The following SLC22A15 variants were observed in gnomAD, a reference collection of about 807,000 sequenced individuals.
SLC22A15 encodes the protein solute carrier family 22 member 15, also known as flipt 1.
Under a neutral mutation model 62.7 loss-of-function variants are expected in SLC22A15, and 45 were observed. The ratio of observed to expected loss-of-function variants is 0.72; its 90% CI spans 0.56 to 0.92. The LOEUF is 0.92. Among genes scored for constraint, SLC22A15 ranks in the 40% least tolerant of loss-of-function variants. The pLI, the probability that SLC22A15 is intolerant of heterozygous loss-of-function variation, is 0.00. For missense variants in SLC22A15, 622 were observed against 665.6 expected, an observed-to-expected ratio of 0.93 and a Z score of 0.72; for synonymous variants, 264 against 267.0, an observed-to-expected ratio of 0.99 and a Z score of 0.11.
chr1:116,062,701 T>C, intron 8 of SLC22A15, 61 bp from the exon 9 acceptor site: 1 of 1,602,290 alleles, frequency 6.2e-7, no homozygotes, highest in Non-Finnish European at 8.5e-7. Context: ...AAATGAAATG[T>C]GCCATTTAGA....
intron 1 of SLC22A15, among the ~76,000 whole-genome samples, chr1:115,989,016 T>A (rs12084601): frequency 0.091 from 13,910 of 152,102 alleles, 1,482 homozygotes; most frequent in African/African-American, 0.26. Context: ...GCTAACACCG[T>A]TTTATTGAGG....
intron 1 of SLC22A15, among the ~76,000 whole-genome samples, chr1:115,985,701 C>A (rs1654823329): frequency 6.6e-6 from 1 of 151,890 alleles, no homozygotes; most frequent in Admixed American, 6.6e-5. Context: ...GTAATCCCAG[C>A]ACTTTGGCAG....
intron 2 of SLC22A15, among the ~76,000 whole-genome samples, chr1:116,005,137 T>C (rs1236552808): frequency 6.6e-6 from 1 of 152,220 alleles, no homozygotes; most frequent in Non-Finnish European, 1.5e-5. Flanking sequence ...TTTTGTTTGA[T>C]TGATTTTTCT....
chr1:116,032,387 A>T, intron 6 of SLC22A15: 1 of 985,360 alleles, frequency 1.0e-6, no homozygotes, highest in South Asian at 4.7e-5. Context: ...AATCATACCT[A>T]CTAGCCTAAA....
intron 8 of SLC22A15, among the ~76,000 whole-genome samples, chr1:116,056,588 A>G (rs1310196861): frequency 1.4e-3 from 206 of 151,822 alleles, no homozygotes; most frequent in African/African-American, 4.9e-3. Flanking sequence ...AAAAGAGCCC[A>G]CATCGCCAAG....
At chr1:116,052,660 TG>T (rs1176613266) in intron 8 of SLC22A15, among the ~76,000 whole-genome samples, 1 of 152,074 alleles carries the variant, frequency 6.6e-6, no homozygotes, top group Non-Finnish European at 1.5e-5. Context: ...CACCTCCCAG[TG>T]GGGGCAGACT....
At chr1:116,047,369 A>G (rs1365832513) in intron 8 of SLC22A15, among the ~76,000 whole-genome samples, 2 of 152,078 alleles carry the variant, frequency 1.3e-5, no homozygotes, top group African/African-American at 4.8e-5. Flanking sequence ...GGAGATTGTC[A>G]TGAACCAAGA....
At chr1:115,994,494 C>T (rs550893237) in intron 2 of SLC22A15, among the ~76,000 whole-genome samples, 4 of 152,138 alleles carry the variant, frequency 2.6e-5, no homozygotes, top group Admixed American at 6.5e-5. Context: ...GCATATATAT[C>T]TCTTAGGTTC....
At chr1:116,063,380 A>G (rs1460672329) in intron 9 of SLC22A15, among the ~76,000 whole-genome samples, 1 of 152,232 alleles carries the variant, frequency 6.6e-6, no homozygotes, top group Non-Finnish European at 1.5e-5. Context: ...TATATTGAAA[A>G]GAATAAATAT....
intron 9 of SLC22A15, among the ~76,000 whole-genome samples, chr1:116,063,756 T>C (rs1658433026): frequency 1.3e-5 from 2 of 152,160 alleles, no homozygotes; most frequent in Admixed American, 6.5e-5. Context: ...TGAGAGCAAA[T>C]GTGGGTATGA....
chr1:116,025,343 T>A (rs1195757457), intron 4 of SLC22A15, among the ~76,000 whole-genome samples: 1 of 152,182 alleles, frequency 6.6e-6, no homozygotes, highest in Non-Finnish European at 1.5e-5. Context: ...GAACCAGTAG[T>A]AGCTATTGAC....
At chr1:116,000,670 G>T (rs551981321) in intron 2 of SLC22A15, among the ~76,000 whole-genome samples, 1 of 121,928 alleles carries the variant, frequency 8.2e-6, no homozygotes, top group Non-Finnish European at 1.6e-5. Context: ...TCACTCTGTC[G>T]CCCAGGCTGG....
In SLC22A15 at chr1:116,020,818, A is replaced by G; in HGVS notation, c.531A>G (p.Gly177=). Residue 177 remains glycine (G), a synonymous_variant, in exon 4 of 12, where the codon GGA becomes GGG. Coordinates refer to ENST00000369503, the MANE Select transcript of SLC22A15 (RefSeq NM_018420.3). ...VTRFLVGMMN[G]GMSLVAFVLL... ...GCTTCCTGGTGGGCATGATGAATGG[A>G]GGGATGTCGCTGGTGGCCTTTGTCT... 1 of 1,613,672 alleles carries G rather than the reference A, an allele frequency of 6.2e-7. No homozygotes were observed. The highest frequency in any genetic ancestry group is 8.5e-7 in the Non-Finnish European group (1 of 1,179,766).
Position 116,023,926 on chromosome 1 carries a change from G to A in SLC22A15, c.599-2967G>A, listed in dbSNP as rs74532056. Among the ~76,000 whole-genome samples, 7 of 152,312 alleles carry A rather than the reference G, an allele frequency of 4.6e-5. No homozygotes were observed. In the East Asian group the frequency reaches 7.7e-4, roughly 17 times the overall value. ...AACTTCTTTGAAAAGTTTTGAAAAC[G>A]TTCTCATGACTACAGGGTAGAGAGT... On this transcript the variant is annotated intron_variant, in intron 4 of 11. Coordinates refer to ENST00000369503, the MANE Select transcript of SLC22A15 (RefSeq NM_018420.3).
chr1:116,009,658 G>C (rs1656153469), intron 2 of SLC22A15, among the ~76,000 whole-genome samples: 1 of 152,182 alleles, frequency 6.6e-6, no homozygotes, highest in African/African-American at 2.4e-5. Context: ...TTAGCATTAA[G>C]TCAATTTCAA....
intron 2 of SLC22A15, among the ~76,000 whole-genome samples, chr1:116,018,850 A>G (rs116262916): frequency 6.6e-6 from 1 of 152,352 alleles, no homozygotes; most frequent in African/African-American, 2.4e-5. Context: ...ACTAGAACTT[A>G]TTCTTCCTAT....
chr1:116,021,997 G>C (rs1474624782), intron 4 of SLC22A15, among the ~76,000 whole-genome samples: 2 of 152,138 alleles, frequency 1.3e-5, no homozygotes, highest in Non-Finnish European at 2.9e-5. Context: ...GAAGTGTATG[G>C]GCTATTGTAT....
chr1:116,047,368 C>A (rs2101519809), intron 8 of SLC22A15, among the ~76,000 whole-genome samples: 2 of 152,184 alleles, frequency 1.3e-5, no homozygotes, highest in East Asian at 3.9e-4. Context: ...CGGAGATTGT[C>A]ATGAACCAAG....
chr1:116,004,572 T>C (rs1184201738), intron 2 of SLC22A15, among the ~76,000 whole-genome samples: 1 of 152,234 alleles, frequency 6.6e-6, no homozygotes, highest in Non-Finnish European at 1.5e-5. Context: ...ATATTACTGA[T>C]TTCTATTTGC....
Sources: gnomAD v4.1 joint callset for allele counts (sites outside exome capture counted in the v4.1 genomes callset) on GRCh38, gnomAD v4.1.1 for gene constraint, MANE v1.5 for transcripts, NCBI Gene and HGNC (gene_info 2026-07-23, HGNC 2026-07-21) for gene names.